Variants in PPM1L observed in about 807,000 individuals in gnomAD.
PPM1L encodes the protein protein phosphatase 1L.
PPM1L carries 13 observed loss-of-function variants against 31.4 expected under a neutral mutation model. The ratio of observed to expected loss-of-function variants is 0.41; its 90% CI spans 0.27 to 0.66. The LOEUF is 0.66. Ranked by LOEUF, PPM1L falls within the 30% of genes least tolerant of loss-of-function variation. The pLI, the probability that PPM1L is intolerant of heterozygous loss-of-function variation, is 0.29. For missense variants in PPM1L, 326 were observed against 453.7 expected, an observed-to-expected ratio of 0.72 and a Z score of 2.56; for synonymous variants, 184 against 175.4, an observed-to-expected ratio of 1.05 and a Z score of -0.39.
At chr3:160,798,640 A>C (rs1036365078) in intron 1 of PPM1L, among the ~76,000 whole-genome samples, 1 of 152,240 alleles carries the variant, frequency 6.6e-6, no homozygotes. Context: ...GCTCATTGAC[A>C]ATACACCTAG....
At chr3:160,813,934 A>G (rs1712889526) in intron 1 of PPM1L, among the ~76,000 whole-genome samples, 1 of 152,198 alleles carries the variant, frequency 6.6e-6, no homozygotes, top group Non-Finnish European at 1.5e-5. Context: ...ACAGATCACT[A>G]CATCTGAAAC....
At chr3:161,002,974 C>T (rs1717554953) in intron 2 of PPM1L, among the ~76,000 whole-genome samples, 2 of 150,738 alleles carry the variant, frequency 1.3e-5, no homozygotes, top group Non-Finnish European at 3.0e-5. Context: ...GGTTTTAGGT[C>T]TAACATGTAA....
chr3:160,843,091 T>TA (rs35708387), intron 1 of PPM1L, among the ~76,000 whole-genome samples: 6 of 151,610 alleles, frequency 4.0e-5, no homozygotes, highest in African/African-American at 7.3e-5. Flanking sequence ...TTCTTTTTTT[T>TA]AAAAAAAATT....
intron 2 of PPM1L, among the ~76,000 whole-genome samples, chr3:161,064,066 G>A (rs1719654069): frequency 6.6e-6 from 1 of 151,946 alleles, no homozygotes; most frequent in Non-Finnish European, 1.5e-5. Flanking sequence ...AATACCTAAT[G>A]CATGTAGGGC....
At chr3:160,936,621 A>T (rs1714981826) in intron 1 of PPM1L, among the ~76,000 whole-genome samples, 1 of 152,230 alleles carries the variant, frequency 6.6e-6, no homozygotes, top group African/African-American at 2.4e-5. Context: ...TAATTATGCC[A>T]GTTAGTTAAT....
chr3:160,988,874 T>C (rs1275283349), intron 2 of PPM1L, among the ~76,000 whole-genome samples: 1 of 152,174 alleles, frequency 6.6e-6, no homozygotes, highest in Admixed American at 6.5e-5. Flanking sequence ...TGTCTATGAT[T>C]TCATAAACTA....
At position 161,069,929 on chromosome 3, in the gene PPM1L, T is replaced by C. The variant is rs1242241264; in HGVS notation, c.*772T>C. On this transcript the variant is annotated 3_prime_UTR_variant, in exon 4 of 4. Coordinates refer to ENST00000498165, the MANE Select transcript of PPM1L (RefSeq NM_139245.4). ...CCATATGTAATAGGCAGCTGTTAAA[T>C]TCACCAACAGATACCCTGATTTTTC... 6.6e-6 allele frequency: 1 copy of C among 152,196 alleles called. No homozygotes were observed. The highest frequency in any genetic ancestry group is 1.5e-5 in the Non-Finnish European group (1 of 68,032). The allele number at this position is 152,196 out of a possible 1,614,324, so 9.4% of individuals were successfully genotyped here. A position where few individuals can be genotyped will look rare whatever the true frequency, so the allele number is the denominator to read the frequency against.
intron 1 of PPM1L, among the ~76,000 whole-genome samples, chr3:160,855,495 G>C (rs1056306857): frequency 6.6e-6 from 1 of 152,086 alleles, no homozygotes; most frequent in African/African-American, 2.4e-5. Context: ...GCTAATATCC[G>C]TAATCTGTAA....
At chr3:160,892,085 T>A (rs762123736) in intron 1 of PPM1L, among the ~76,000 whole-genome samples, 1 of 152,184 alleles carries the variant, frequency 6.6e-6, no homozygotes, top group African/African-American at 2.4e-5. Flanking sequence ...CCACGTCACA[T>A]GTATACCTAT....
At chr3:161,061,600 A>G (rs114086536) in intron 2 of PPM1L, among the ~76,000 whole-genome samples, 1,649 of 152,330 alleles carry the variant, frequency 0.011, 40 homozygotes, top group African/African-American at 0.038. Flanking sequence ...ACAAATTAAA[A>G]AACAATATAA....
intron 1 of PPM1L, among the ~76,000 whole-genome samples, chr3:160,769,498 T>C (rs1459861014): frequency 6.6e-6 from 1 of 152,150 alleles, no homozygotes; most frequent in African/African-American, 2.4e-5. Context: ...TAGTAGGTGT[T>C]AGGTTGGTGC....
At chr3:161,046,231 A>G (rs1338594431) in intron 2 of PPM1L, among the ~76,000 whole-genome samples, 1 of 152,056 alleles carries the variant, frequency 6.6e-6, no homozygotes, top group East Asian at 1.9e-4. Context: ...AAGCAAATAG[A>G]CACAATAAAA....
intron 1 of PPM1L, among the ~76,000 whole-genome samples, chr3:160,927,650 A>G (rs1057152203): frequency 1.3e-5 from 2 of 152,004 alleles, no homozygotes; most frequent in Admixed American, 1.3e-4. Flanking sequence ...GTGCGCGCGC[A>G]TGCACGTAAA....
At chr3:161,056,880 G>A (rs1226555612) in intron 2 of PPM1L, among the ~76,000 whole-genome samples, 1 of 152,000 alleles carries the variant, frequency 6.6e-6, no homozygotes, top group African/African-American at 2.4e-5. Context: ...TGGACAATAT[G>A]GTGAAACCCC....
At chr3:160,987,758 G>T (rs1271504832) in intron 2 of PPM1L, among the ~76,000 whole-genome samples, 1 of 152,198 alleles carries the variant, frequency 6.6e-6, no homozygotes, top group Admixed American at 6.5e-5. Context: ...AATCAGACAG[G>T]TGAGTTTTAG....
At chr3:160,901,320 A>G (rs1576700680) in intron 1 of PPM1L, among the ~76,000 whole-genome samples, 1 of 152,192 alleles carries the variant, frequency 6.6e-6, no homozygotes, top group East Asian at 1.9e-4. Flanking sequence ...CTATTATAAC[A>G]TAGCCTCCTA....
intron 1 of PPM1L, among the ~76,000 whole-genome samples, chr3:160,807,106 C>G (rs1353588554): frequency 6.6e-6 from 1 of 152,190 alleles, no homozygotes; most frequent in African/African-American, 2.4e-5. Flanking sequence ...TTGAGAGCCA[C>G]TGGTCTAGGA....
chr3:160,828,861 A>G (rs1238900039), intron 1 of PPM1L, among the ~76,000 whole-genome samples: 3 of 152,156 alleles, frequency 2.0e-5, no homozygotes, highest in Admixed American at 6.6e-5. Flanking sequence ...GTTGCCAAAA[A>G]TCAGCCAAAA....
chr3:160,803,123 G>A (rs1286659584), intron 1 of PPM1L, among the ~76,000 whole-genome samples: 1 of 152,168 alleles, frequency 6.6e-6, no homozygotes, highest in Non-Finnish European at 1.5e-5. Context: ...ATATGCATAA[G>A]GGACATTTAG....
Sources: gnomAD v4.1 joint callset for allele counts (sites outside exome capture counted in the v4.1 genomes callset) on GRCh38, gnomAD v4.1.1 for gene constraint, MANE v1.5 for transcripts, NCBI Gene and HGNC (gene_info 2026-07-23, HGNC 2026-07-21) for gene names.